STARD13: variants seen among roughly 807,000 people sequenced by gnomAD.
STARD13 encodes the protein stAR-related lipid transfer protein 13.
In STARD13, 62 loss-of-function variants were observed where a neutral mutation model predicts 106.4. That is an observed-to-expected ratio of 0.58 (90% CI 0.48 to 0.72). The LOEUF (loss-of-function observed/expected upper bound fraction) is 0.72. Ranked by LOEUF, STARD13 falls within the 30% of genes least tolerant of loss-of-function variation. STARD13 has a pLI of 0.00. For missense variants in STARD13, 1,387 were observed against 1,424.0 expected (o/e 0.97, Z 0.42); for synonymous variants, 565 against 553.0 (o/e 1.02, Z -0.31).
intron 1 of STARD13, among the ~76,000 whole-genome samples, chr13:33,333,159 A>G (rs756118066): frequency 6.6e-6 from 1 of 152,116 alleles, no homozygotes; most frequent in Non-Finnish European, 1.5e-5. Context: ...GGAGGCCAAG[A>G]TGGGCAGATC....
At chr13:33,255,478 C>G (rs1031891432) in intron 1 of STARD13, among the ~76,000 whole-genome samples, 2 of 152,030 alleles carry the variant, frequency 1.3e-5, no homozygotes, top group African/African-American at 4.8e-5. Context: ...CAACCATACC[C>G]CTGTCCACCC....
rs1885370774 is a variant in STARD13 at position 33,182,775 on chromosome 13, C to CTTCA, written c.170-15157_170-15154dup. Among the ~76,000 whole-genome samples, 7 of 152,338 alleles carry CTTCA rather than the reference C, an allele frequency of 4.6e-5. No individual in the cohort carries two copies. In the South Asian group the frequency reaches 1.5e-3, roughly 32 times the overall value. ...CAACAGAACCCAATAGCTCTCCTTG[C>CTTCA]TTCAGTTCTTGCCTTCCTTGAATCT... On this transcript the variant is annotated intron_variant, in intron 1 of 13. Coordinates refer to ENST00000336934, the MANE Select transcript of STARD13 (RefSeq NM_178006.4).
chr13:33,494,778 C>T, the STARD13 span, among the ~76,000 whole-genome samples: 5 of 151,986 alleles, frequency 3.3e-5, no homozygotes, highest in East Asian at 9.7e-4. Flanking sequence ...CAGTTGGCCA[C>T]TTAGGACAAT....
At chr13:33,508,886 A>T in the STARD13 span, among the ~76,000 whole-genome samples, 1 of 152,222 alleles carries the variant, frequency 6.6e-6, no homozygotes, top group South Asian at 2.1e-4. Context: ...TATATGATAT[A>T]GCCTATTGCT....
chr13:33,617,120 T>TGTTTTGATTTG, the STARD13 span, among the ~76,000 whole-genome samples: 1 of 152,258 alleles, frequency 6.6e-6, no homozygotes, highest in African/African-American at 2.4e-5. Context: ...CCTGGGTTTT[T>TGTTTTGATTTG]GTTTTGATTT....
At chr13:33,390,800 C>T in the STARD13 span, among the ~76,000 whole-genome samples, 1 of 152,124 alleles carries the variant, frequency 6.6e-6, no homozygotes, top group African/African-American at 2.4e-5. Flanking sequence ...GAGTTCTTTA[C>T]ATTTTGCACA....
At chr13:33,544,261 C>G in the STARD13 span, among the ~76,000 whole-genome samples, 2 of 152,140 alleles carry the variant, frequency 1.3e-5, no homozygotes, top group Admixed American at 1.3e-4. Flanking sequence ...CAGCCCACTC[C>G]CATCCCTACC....
chr13:33,345,287 A>T (rs1313760546), downstream of STARD13, among the ~76,000 whole-genome samples: 2 of 152,218 alleles, frequency 1.3e-5, no homozygotes, highest in African/African-American at 4.8e-5. Flanking sequence ...CTTTAGGTGC[A>T]CAGGGTTATT....
intron 1 of STARD13, among the ~76,000 whole-genome samples, chr13:33,306,755 G>A (rs1892919834): frequency 6.6e-6 from 1 of 152,164 alleles, no homozygotes; most frequent in Admixed American, 6.5e-5. Context: ...TTCGAGACCA[G>A]CCTGGCCAAC....
At chr13:33,480,359 A>T in the STARD13 span, among the ~76,000 whole-genome samples, 1 of 152,222 alleles carries the variant, frequency 6.6e-6, no homozygotes, top group Non-Finnish European at 1.5e-5. Context: ...AACAAAATTA[A>T]GCTAAATATG....
In STARD13 at chr13:33,118,080, G is replaced by C; in HGVS notation, c.2266C>G (p.Leu756Val). The C allele has an allele frequency of 6.2e-7, 1 of 1,614,216 alleles. No individual in the cohort carries two copies. The highest frequency in any genetic ancestry group is 8.5e-7 in the Non-Finnish European group (1 of 1,180,030). Residue 756 changes from leucine (L) to valine (V), a missense_variant, in exon 8 of 14, where the codon CTC (leucine) becomes GTC (valine). Coordinates refer to ENST00000336934, the MANE Select transcript of STARD13 (RefSeq NM_178006.4). Reference sequence around the variant, plus strand: ...TTCCACTTACACTGATAGATATGGAGAAAGGTCTCACTGAGCTTGTTGGTG... The same window carrying C: ...TTCCACTTACACTGATAGATATGGACAAAGGTCTCACTGAGCTTGTTGGTG... ...LFTNKLSETF[L>V]HIYQYVSKEQ...
intron 1 of STARD13, among the ~76,000 whole-genome samples, chr13:33,179,551 G>T (rs1200992413): frequency 6.6e-6 from 1 of 152,240 alleles, no homozygotes; most frequent in Non-Finnish European, 1.5e-5. Context: ...GTATGCAGAA[G>T]TGGAAGGCAT....
intron 1 of STARD13, among the ~76,000 whole-genome samples, chr13:33,257,568 A>T (rs534909701): frequency 6.6e-6 from 1 of 152,282 alleles, no homozygotes; most frequent in South Asian, 2.1e-4. Context: ...ACCTAAGGAG[A>T]GGAGGAGAAG....
the STARD13 span, among the ~76,000 whole-genome samples, chr13:33,495,116 G>C: frequency 3.7e-3 from 559 of 152,222 alleles, 4 homozygotes; most frequent in African/African-American, 0.013. Flanking sequence ...GATACTTCTA[G>C]CTCCTACATG....
At chr13:33,608,945 G>T in the STARD13 span, among the ~76,000 whole-genome samples, 1 of 151,630 alleles carries the variant, frequency 6.6e-6, no homozygotes, top group Non-Finnish European at 1.5e-5. Context: ...AATTAGCCGG[G>T]CGTGGTGGCG....
intron 1 of STARD13, among the ~76,000 whole-genome samples, chr13:33,240,159 A>G (rs114170556): frequency 1.9e-4 from 29 of 152,304 alleles, no homozygotes; most frequent in African/African-American, 6.5e-4. Context: ...CTCATTATGT[A>G]GTCTTGATGA....
intron 1 of STARD13, among the ~76,000 whole-genome samples, chr13:33,195,996 C>T (rs1444912086): frequency 6.6e-6 from 1 of 152,058 alleles, no homozygotes; most frequent in East Asian, 1.9e-4. Context: ...CACTTAGAGG[C>T]CACAAGAACA....
At chr13:33,516,337 A>C in the STARD13 span, among the ~76,000 whole-genome samples, 2 of 151,344 alleles carry the variant, frequency 1.3e-5, no homozygotes, top group Admixed American at 1.3e-4. Context: ...TAAGCATATC[A>C]GTTTCAGCTT....
chr13:33,613,786 G>A, the STARD13 span, among the ~76,000 whole-genome samples: 2 of 152,208 alleles, frequency 1.3e-5, no homozygotes, highest in Non-Finnish European at 2.9e-5. Context: ...GTGTTTGGTG[G>A]AGAAATGTTA....
Sources: allele counts gnomAD v4.1 joint callset (sites outside exome capture counted in the v4.1 genomes callset), GRCh38; gene constraint gnomAD v4.1.1; transcripts MANE v1.5; gene names NCBI Gene and HGNC (gene_info 2026-07-23, HGNC 2026-07-21).